The following MON2 variants were observed in gnomAD, a reference collection of about 807,000 sequenced individuals.
MON2 encodes protein MON2 homolog.
MON2 carries 84 observed loss-of-function variants against 208.6 expected under a neutral mutation model. The ratio of observed to expected loss-of-function variants is 0.40; its 90% CI spans 0.34 to 0.48. The LOEUF (loss-of-function observed/expected upper bound fraction) is 0.48, where lower values mean the gene tolerates loss of function less well. Among genes scored for constraint, MON2 ranks in the 20% least tolerant of loss-of-function variants. The probability of loss-of-function intolerance (pLI) is 0.59; values close to 1 mark genes in which losing one functional copy is unlikely to be tolerated. For synonymous variants in MON2, 660 were observed against 694.0 expected (o/e 0.95, Z 0.77); for missense variants, 1,611 against 2,015.4 (o/e 0.80, Z 3.84).
intron 27 of MON2, 137 bp from the exon 28 acceptor site, chr12:62,565,872 TAAGTA>T (rs1337470959): frequency 5.7e-6 from 4 of 697,052 alleles, no homozygotes; most frequent in Non-Finnish European, 9.1e-6. Flanking sequence ...TAACTTTGTT[TAAGTA>T]AATTTCTGAA....
intron 20 of MON2, among the ~76,000 whole-genome samples, chr12:62,544,114 T>C (rs550654715): frequency 6.6e-6 from 1 of 152,288 alleles, no homozygotes; most frequent in East Asian, 1.9e-4. Context: ...ATAGTTCTTT[T>C]GTGTTATTTA....
rs912645184 is a variant in MON2 at position 62,598,119 on chromosome 12, A to G, written c.*5370A>G. The G allele has an allele frequency of 3.9e-5, 6 of 152,126 alleles. No homozygotes were observed. The highest frequency in any genetic ancestry group is 9.7e-5 in the African/African-American group (4 of 41,428). The allele number at this position is 152,126 out of a possible 1,614,324, so 9.4% of individuals were successfully genotyped here. On this transcript the variant is annotated 3_prime_UTR_variant, in exon 35 of 35. Coordinates refer to ENST00000393630, the MANE Select transcript of MON2 (RefSeq NM_015026.3). ...AGCAGTCTTTGATGGAAGACCCGGA[A>G]TCTTATAGTTCTCATATCTGAGTCT...
rs527454091 is a variant in MON2 at position 62,515,814 on chromosome 12, T to C, written c.984+7334T>C. The stretch of plus-strand genomic sequence containing the variant: ...TGGGTGACAAGAGCAAGACTCCGTC[T>C]CAGGAAAAAAAAAAAAGTTCTAGAG... On this transcript the variant is annotated intron_variant, in intron 8 of 34. Transcript: ENST00000393630. 6.6e-4 allele frequency among the ~76,000 whole-genome samples: 99 copies of C among 151,126 alleles called. 1 individual carries two copies. Among genetic ancestry groups the C allele is most frequent in the African/African-American group, 2.4e-3 (97 of 41,232 alleles).
At chr12:62,539,999 G>T (rs986197464) in intron 19 of MON2, among the ~76,000 whole-genome samples, 27 of 152,176 alleles carry the variant, frequency 1.8e-4, no homozygotes, top group South Asian at 8.3e-4. Context: ...ATTATAGTTT[G>T]TTCTAAATCA....
intron 8 of MON2, among the ~76,000 whole-genome samples, chr12:62,521,069 G>A (rs113661803): frequency 1.5e-4 from 23 of 151,348 alleles, no homozygotes; most frequent in African/African-American, 5.6e-4. Flanking sequence ...GCAGTGGCGC[G>A]ATCTCGGCTC....
intron 5 of MON2, among the ~76,000 whole-genome samples, chr12:62,500,365 A>C (rs2070762072): frequency 6.6e-6 from 1 of 152,218 alleles, no homozygotes; most frequent in Non-Finnish European, 1.5e-5. Context: ...TAACAGCAGC[A>C]GATCAAGCAG....
rs753023172 is a variant in MON2, at chr12:62,552,945, A to G, written c.2981A>G (p.Glu994Gly). The change falls in exon 24 of 35, where the codon GAG becomes GGG. Residue 994 changes from glutamate (E) to glycine (G), a missense_variant. Coordinates refer to ENST00000393630, the MANE Select transcript of MON2 (RefSeq NM_015026.3). ...ATTGAAAAAGAACTAAATAAGGAAG[A>G]GGCAGCACAGCAAAAGCAGGCAGAA... ...ETIEKELNKE[E>G]AAQQKQAEEK... 6.2e-7 allele frequency: 1 copy of G among 1,614,160 alleles called. No individual in the cohort carries two copies. Among genetic ancestry groups the G allele is most frequent in the Admixed American group, 1.7e-5 (1 of 60,020 alleles).
chr12:62,488,956 A>G (rs1045159175), intron 2 of MON2, among the ~76,000 whole-genome samples: 1 of 152,152 alleles, frequency 6.6e-6, no homozygotes, highest in Non-Finnish European at 1.5e-5. Flanking sequence ...CTGTGTAACA[A>G]ACCTGCACGT....
chr12:62,473,727 G>T (rs371693759), intron 1 of MON2, among the ~76,000 whole-genome samples: 2 of 152,018 alleles, frequency 1.3e-5, no homozygotes, highest in Non-Finnish European at 2.9e-5. Context: ...ATGCCACCAC[G>T]GCTGGCAAAT....
At chr12:62,502,161 G>A (rs561132273) in intron 7 of MON2, among the ~76,000 whole-genome samples, 9 of 152,096 alleles carry the variant, frequency 5.9e-5, no homozygotes, top group East Asian at 3.9e-4. Context: ...CAGAGGTTGC[G>A]GTGAGCCAAG....
chr12:62,554,276 C>G (rs942247887), intron 24 of MON2, among the ~76,000 whole-genome samples: 2 of 152,252 alleles, frequency 1.3e-5, no homozygotes, highest in Admixed American at 6.5e-5. Flanking sequence ...GTCTCTTAAA[C>G]ATTAGAGAAT....
In MON2 at chr12:62,508,429, G is replaced by C. The variant is rs1036483591; in HGVS notation, c.933G>C (p.Met311Ile). 4 of 1,613,986 alleles carry C rather than the reference G, an allele frequency of 2.5e-6. No individual in the cohort carries two copies. The African/African-American group carries it at 4.0e-5, about 16-fold the overall frequency. Residue 311 changes from methionine to isoleucine, a missense_variant, in exon 8 of 35, where the codon ATG (methionine) becomes ATC (isoleucine). By Grantham distance (10) the Met-to-Ile change is conservative (BLOSUM62 1). Transcript: ENST00000393630. ...PVEKPYFPIC[M>I]RLLRVVSVLI... is the part of the protein sequence containing the mutation. ...AAAAACCATATTTTCCTATCTGCAT[G>C]CGTTTGCTGAGAGTAGTATCTGTTC...
rs1258467218 is a variant in MON2 at position 62,585,103 on chromosome 12, ACACACACAAAAC to A, written c.4700-190_4700-179del. On this transcript the variant is annotated intron_variant, in intron 32 of 34. Coordinates refer to ENST00000393630, the MANE Select transcript of MON2 (RefSeq NM_015026.3). The stretch of plus-strand genomic sequence containing the variant: ...CACACACACACACACACACACACAC[ACACACACAAAAC>A]AAAAAAAAACAAAAAAAAAACACAT... Among the ~76,000 whole-genome samples the A allele has an allele frequency of 5.2e-3, 313 of 59,688 alleles. 5 individuals carry two copies. Among genetic ancestry groups the A allele is most frequent in the African/African-American group, 0.014 (150 of 11,058 alleles). The allele number at this position is 59,688 out of a possible 152,430, so 39.2% of individuals were successfully genotyped here.
At chr12:62,588,228 A>G (rs2075281336) in intron 34 of MON2, 72 bp downstream of exon 34, 2 of 1,018,454 alleles carry the variant, frequency 2.0e-6, no homozygotes, top group Admixed American at 5.3e-5. Flanking sequence ...TTTGTCTGTT[A>G]ATTTAACTGA....
intron 25 of MON2, among the ~76,000 whole-genome samples, chr12:62,558,733 T>C (rs1164296248): frequency 6.6e-6 from 1 of 151,826 alleles, no homozygotes; most frequent in Non-Finnish European, 1.5e-5. Context: ...GTTTCACTCT[T>C]GTTGCCCAGG....
chr12:62,545,154 T>G, intron 21 of MON2, 146 bp downstream of exon 21: 4 of 503,652 alleles, frequency 7.9e-6, no homozygotes, highest in Non-Finnish European at 1.4e-5. Flanking sequence ...CCTGAATCTC[T>G]TACATAAGGT....
rs564217303 is a variant in MON2, at chr12:62,477,818, CTCTT to C, written c.112-6344_112-6341del. 1.1e-3 allele frequency among the ~76,000 whole-genome samples: 175 copies of C among 152,292 alleles called. No homozygotes were observed. In the Middle Eastern group the frequency reaches 0.014, roughly 12 times the overall value. ...AGTGCTTCTGGGAAAGAAAAGTTTTCTCTTTCTTTCTCTAGAGCTACTGAAAGAG... is the reference window on the plus strand; with the variant it reads ...AGTGCTTCTGGGAAAGAAAAGTTTTCTCTTTCTCTAGAGCTACTGAAAGAG... On this transcript the variant is annotated intron_variant, in intron 1 of 34. Transcript: ENST00000393630.
At chr12:62,592,523 A>G in intron 34 of MON2, 63 bp from the exon 35 acceptor site, 2 of 1,334,420 alleles carry the variant, frequency 1.5e-6, no homozygotes, top group Non-Finnish European at 2.1e-6. Context: ...GATTGTGTTC[A>G]TGTTAATTGA....
intron 25 of MON2, among the ~76,000 whole-genome samples, chr12:62,557,928 TTATATATATATATATATA>T (rs71086609): frequency 0.028 from 1,310 of 46,086 alleles, 67 homozygotes; most frequent in African/African-American, 0.041. Flanking sequence ...ACGAATAGAT[TTATATATATATATATATA>T]TATATATATA....
Sources: allele counts gnomAD v4.1 joint callset (sites outside exome capture counted in the v4.1 genomes callset), GRCh38; gene constraint gnomAD v4.1.1; transcripts MANE v1.5; gene names NCBI Gene and HGNC (gene_info 2026-07-23, HGNC 2026-07-21).